WASHC3: variants seen among roughly 807,000 people sequenced by gnomAD.
The protein encoded by WASHC3 is WASH complex subunit 3, also known as WASH complex subunit CCDC53.
Under a neutral mutation model 26.1 loss-of-function variants are expected in WASHC3, and 24 were observed. The ratio of observed to expected loss-of-function variants is 0.92; its 90% CI spans 0.66 to 1.29. The LOEUF (loss-of-function observed/expected upper bound fraction) is 1.29. Among genes scored for constraint, WASHC3 ranks in the 50% most tolerant of loss-of-function variants. The pLI is 0.00. For missense variants in WASHC3, 214 were observed against 229.6 expected, an observed-to-expected ratio of 0.93 and a Z score of 0.44; for synonymous variants, 77 against 75.7, an observed-to-expected ratio of 1.02 and a Z score of -0.09.
intron 2 of WASHC3, among the ~76,000 whole-genome samples, chr12:102,057,195 G>A (rs1472116981): frequency 3.9e-5 from 6 of 152,070 alleles, no homozygotes; most frequent in African/African-American, 1.2e-4. Flanking sequence ...ATGGAACAAA[G>A]GCATTTGACA....
rs1015991103 is a variant in WASHC3, at chr12:102,061,768, C to T, written c.51+144G>A. 1.4e-5 allele frequency: 9 copies of T among 634,558 alleles called. No individual in the cohort carries two copies. In the Admixed American group the frequency reaches 1.5e-4, roughly 11 times the overall value. 39.3% of individuals were successfully genotyped at this position (634,558 alleles called of 1,614,324 possible). ...ATTTCAAGGTGGACTGTGGGGCTCT[C>T]CCTCCTGAGGCCCCACAGGCCTGTC... On this transcript the variant is annotated intron_variant, in intron 1 of 6. Coordinates refer to ENST00000240079, the MANE Select transcript of WASHC3 (RefSeq NM_016053.4).
chr12:102,052,665 A>G (rs2136686157), intron 2 of WASHC3, among the ~76,000 whole-genome samples: 1 of 152,132 alleles, frequency 6.6e-6, no homozygotes, highest in East Asian at 1.9e-4. Context: ...TATAGGTTCC[A>G]GGCCTGACCA....
intron 6 of WASHC3, among the ~76,000 whole-genome samples, chr12:102,022,855 A>G (rs939384408): frequency 1.3e-5 from 2 of 152,154 alleles, no homozygotes; most frequent in African/African-American, 4.8e-5. Flanking sequence ...TACCCATTCT[A>G]TATTTCTGAA....
At chr12:102,022,580 C>T (rs1394627233) in intron 6 of WASHC3, among the ~76,000 whole-genome samples, 1 of 152,156 alleles carries the variant, frequency 6.6e-6, no homozygotes, top group Admixed American at 6.5e-5. Context: ...GGTAGACCAT[C>T]TGAATACAAG....
intron 5 of WASHC3, among the ~76,000 whole-genome samples, chr12:102,038,195 C>G (rs1877759618): frequency 6.6e-6 from 1 of 152,098 alleles, no homozygotes; most frequent in African/African-American, 2.4e-5. Context: ...ATCTGGAAAC[C>G]TTAGTTGGCT....
At chr12:102,043,840 AT>A (rs1209720761) in intron 4 of WASHC3, 1 of 179,980 alleles carries the variant, frequency 5.6e-6, no homozygotes, top group Non-Finnish European at 1.2e-5. Context: ...ATTTCTAATT[AT>A]TTTGAAGAAA....
chr12:102,031,998 G>T (rs887271413), intron 5 of WASHC3, among the ~76,000 whole-genome samples: 1 of 152,116 alleles, frequency 6.6e-6, no homozygotes, highest in African/African-American at 2.4e-5. Flanking sequence ...ATGTTTTAAA[G>T]ACTTTAATTA....
At chr12:102,040,085 A>G (rs1472715524) in intron 4 of WASHC3, 107 bp from the exon 5 acceptor site, 1 of 464,212 alleles carries the variant, frequency 2.2e-6, no homozygotes, top group Non-Finnish European at 3.9e-6. Context: ...TAAATTGCAG[A>G]AAAAAATCAT....
intron 5 of WASHC3, among the ~76,000 whole-genome samples, chr12:102,031,848 G>C (rs977168808): frequency 6.6e-6 from 1 of 152,090 alleles, no homozygotes; most frequent in Non-Finnish European, 1.5e-5. Context: ...CTGTAACAGT[G>C]TTTTTCACAG....
intron 5 of WASHC3, 97 bp downstream of exon 5, chr12:102,039,771 C>A: frequency 5.7e-6 from 3 of 523,978 alleles, no homozygotes; most frequent in Non-Finnish European, 7.1e-6. Context: ...CTTGGTTTAG[C>A]AGTTTTCTCA....
intron 2 of WASHC3, among the ~76,000 whole-genome samples, chr12:102,052,163 A>C (rs762193994): frequency 1.3e-5 from 2 of 152,252 alleles, no homozygotes; most frequent in Non-Finnish European, 2.9e-5. Flanking sequence ...TTAGCACAAA[A>C]GTAAGAAAAA....
intron 2 of WASHC3, among the ~76,000 whole-genome samples, chr12:102,058,639 T>C (rs1247988269): frequency 6.6e-6 from 1 of 152,002 alleles, no homozygotes; most frequent in Non-Finnish European, 1.5e-5. Flanking sequence ...TAGAAAATAG[T>C]ACAGAGGTTC....
intron 5 of WASHC3, among the ~76,000 whole-genome samples, chr12:102,031,106 T>C (rs891355059): frequency 6.6e-6 from 1 of 152,212 alleles, no homozygotes; most frequent in Non-Finnish European, 1.5e-5. Flanking sequence ...TCCTAATCTG[T>C]AAAACTGGCA....
intron 5 of WASHC3, among the ~76,000 whole-genome samples, chr12:102,032,799 T>C (rs922667104): frequency 2.0e-5 from 3 of 152,152 alleles, no homozygotes; most frequent in African/African-American, 7.2e-5. Context: ...ATTCCAGAAG[T>C]ACTGGGAAAA....
At chr12:102,041,381 C>A (rs760503613) in intron 4 of WASHC3, among the ~76,000 whole-genome samples, 4 of 151,884 alleles carry the variant, frequency 2.6e-5, no homozygotes, top group Non-Finnish European at 5.9e-5. Context: ...TTTGAATGAC[C>A]CATTAAATCC....
intron 5 of WASHC3, among the ~76,000 whole-genome samples, chr12:102,036,378 A>AG (rs1877660959): frequency 6.6e-6 from 1 of 151,956 alleles, no homozygotes; most frequent in Non-Finnish European, 1.5e-5. Context: ...AAAAAAAAAA[A>AG]AAAAATCCAA....
At chr12:102,037,979 G>C (rs1877747419) in intron 5 of WASHC3, among the ~76,000 whole-genome samples, 1 of 152,026 alleles carries the variant, frequency 6.6e-6, no homozygotes, top group Non-Finnish European at 1.5e-5. Flanking sequence ...ATTTTTAGTA[G>C]AGACAAGGTT....
rs1325341801 is a variant in WASHC3, at chr12:102,023,154, C to T, written c.500+2820G>A. On this transcript the variant is annotated intron_variant, in intron 6 of 6. Transcript: ENST00000240079. ...AGAATTCCTAAAATTCTGTAATAGTCATTTTTCTAGGAAAATTGCCAGGAT... is the reference window on the plus strand; with the variant it reads ...AGAATTCCTAAAATTCTGTAATAGTTATTTTTCTAGGAAAATTGCCAGGAT... Among the ~76,000 whole-genome samples, 3 of 152,032 alleles carry T rather than the reference C, an allele frequency of 2.0e-5. No homozygotes were observed. The East Asian group carries it at 5.8e-4, about 29-fold the overall frequency.
At position 102,013,189 on chromosome 12, in the gene WASHC3, C is replaced by A; in HGVS notation, c.504G>T (p.Arg168Ser). 1 of 1,512,354 alleles carries A rather than the reference C, an allele frequency of 6.6e-7. No individual in the cohort carries two copies. 93.7% of individuals were successfully genotyped at this position (1,512,354 alleles called of 1,614,324 possible). A position where few individuals can be genotyped will look rare whatever the true frequency, so the allele number is the denominator to read the frequency against. Residue 168 changes from arginine to serine, a missense_variant, in exon 7 of 7, where the codon AGG (arginine) becomes AGT (serine). Physicochemically the swap from Arg to Ser is moderately radical, Grantham distance 110. Transcript: ENST00000240079. ...SEGLDPDLLE[R>S]PDAPVPDGES... The stretch of plus-strand genomic sequence containing the variant: ...CGCCATCAGGCACTGGAGCATCTGG[C>A]CTCCTAAAAGAAAAGAAAAAAAAAT...
Sources: gnomAD v4.1 joint callset for allele counts (sites outside exome capture counted in the v4.1 genomes callset) on GRCh38, gnomAD v4.1.1 for gene constraint, MANE v1.5 for transcripts, NCBI Gene and HGNC (gene_info 2026-07-23, HGNC 2026-07-21) for gene names.